COL5A2: variants seen among roughly 807,000 people sequenced by gnomAD.
COL5A2 encodes collagen type V alpha 2 chain.
A neutral mutation model predicts 208.2 loss-of-function variants in COL5A2; 23 were observed. The observed-to-expected ratio is 0.11, with a 90% CI of 0.08 to 0.16. COL5A2 has a LOEUF of 0.16. Among genes scored for constraint, COL5A2 ranks in the 10% least tolerant of loss-of-function variants. COL5A2 has a pLI of 1.00. For synonymous variants in COL5A2, 625 were observed against 628.5 expected (o/e 0.99, Z 0.08); for missense variants, 1,590 against 1,956.4 (o/e 0.81, Z 3.53).
At chr2:189,279,933 T>A in the COL5A2 span, among the ~76,000 whole-genome samples, 1 of 152,138 alleles carries the variant, frequency 6.6e-6, no homozygotes, top group Non-Finnish European at 1.5e-5. Flanking sequence ...GTGGGGCCTT[T>A]GGGAGGTCAT....
At chr2:189,074,149 A>G (rs1401042038) in intron 17 of COL5A2, among the ~76,000 whole-genome samples, 3 of 152,152 alleles carry the variant, frequency 2.0e-5, no homozygotes, top group Admixed American at 2.0e-4. Context: ...AGTCTTAGCC[A>G]TCTTCATTTC....
At chr2:189,326,517 C>T in the COL5A2 span, among the ~76,000 whole-genome samples, 1 of 151,616 alleles carries the variant, frequency 6.6e-6, no homozygotes, top group Non-Finnish European at 1.5e-5. Flanking sequence ...ATAGTGAGAC[C>T]TTGTCTCTAC....
intron 52 of COL5A2, 66 bp from the exon 53 acceptor site, chr2:189,035,221 T>C (rs1314549158): frequency 7.6e-6 from 12 of 1,577,622 alleles, no homozygotes; most frequent in South Asian, 1.1e-5. Context: ...TACACATGTA[T>C]AGATAAATAT....
At chr2:189,314,155 T>C in the COL5A2 span, among the ~76,000 whole-genome samples, 3 of 152,268 alleles carry the variant, frequency 2.0e-5, no homozygotes, top group East Asian at 3.9e-4. Context: ...TTCTCATTAC[T>C]ACATGGCACT....
At chr2:189,332,164 G>A in the COL5A2 span, among the ~76,000 whole-genome samples, 1 of 152,062 alleles carries the variant, frequency 6.6e-6, no homozygotes, top group Non-Finnish European at 1.5e-5. Context: ...AGACCTAACA[G>A]AAGAAATACA....
At chr2:189,310,182 A>G in the COL5A2 span, among the ~76,000 whole-genome samples, 7 of 152,370 alleles carry the variant, frequency 4.6e-5, no homozygotes, top group Admixed American at 1.3e-4. Flanking sequence ...TACAAGGAAC[A>G]TTAATAATAG....
At chr2:189,071,035 G>C (rs1236916673) in intron 18 of COL5A2, among the ~76,000 whole-genome samples, 1 of 152,192 alleles carries the variant, frequency 6.6e-6, no homozygotes, top group Non-Finnish European at 1.5e-5. Flanking sequence ...TGAAATGTCA[G>C]CTACAGACAT....
At chr2:189,042,503 A>C (rs1408398960) in intron 49 of COL5A2, among the ~76,000 whole-genome samples, 2 of 152,198 alleles carry the variant, frequency 1.3e-5, no homozygotes, top group African/African-American at 2.4e-5. Context: ...CTAGGTAATA[A>C]ATTTTATTGC....
the COL5A2 span, among the ~76,000 whole-genome samples, chr2:189,252,092 C>T: frequency 6.6e-6 from 1 of 152,114 alleles, no homozygotes; most frequent in African/African-American, 2.4e-5. Flanking sequence ...GAATGGTGAT[C>T]ATGAAAAAGT....
chr2:189,394,394 T>C, the COL5A2 span, among the ~76,000 whole-genome samples: 3 of 152,110 alleles, frequency 2.0e-5, no homozygotes. Flanking sequence ...AATGTGATGG[T>C]ATTTGGATAT....
the COL5A2 span, among the ~76,000 whole-genome samples, chr2:189,394,458 G>A: frequency 5.5e-3 from 844 of 152,156 alleles, 12 homozygotes; most frequent in African/African-American, 0.019. Flanking sequence ...AGGGATTAGC[G>A]CCCATCTAAG....
the COL5A2 span, among the ~76,000 whole-genome samples, chr2:189,322,351 G>A: frequency 2.0e-5 from 3 of 152,022 alleles, no homozygotes; most frequent in Non-Finnish European, 4.4e-5. Flanking sequence ...AGGACATAGA[G>A]ACACAAAAAA....
chr2:189,339,420 A>G, the COL5A2 span, among the ~76,000 whole-genome samples: 3 of 152,240 alleles, frequency 2.0e-5, no homozygotes, highest in Admixed American at 2.0e-4. Context: ...GAGCCTACAA[A>G]TAGAGATTTC....
rs1559094497 is a variant in COL5A2, at chr2:189,081,035, A to C, written c.861T>G (p.Arg287=). The C allele has an allele frequency of 1.9e-6, 3 of 1,613,386 alleles. No individual in the cohort carries two copies. Among genetic ancestry groups the C allele is most frequent in the Non-Finnish European group, 2.5e-6 (3 of 1,179,424 alleles). ...EVGFAGSPGA[R]GFPGAPGLPG... ...GAAGACCAGGAGCCCCAGGAAATCC[A>C]CGAGCTCCCTGGGAGGAAAACATAG... The change falls in exon 13 of 54, where the codon CGT becomes CGG. Residue 287 remains arginine, a synonymous_variant. Transcript: ENST00000374866.
At chr2:189,311,048 T>C in the COL5A2 span, among the ~76,000 whole-genome samples, 4 of 152,028 alleles carry the variant, frequency 2.6e-5, no homozygotes, top group Non-Finnish European at 5.9e-5. Context: ...ACCATGCAAG[T>C]GGGGTGACTC....
At chr2:189,248,706 C>T in the COL5A2 span, among the ~76,000 whole-genome samples, 1 of 152,076 alleles carries the variant, frequency 6.6e-6, no homozygotes, top group Non-Finnish European at 1.5e-5. Context: ...TGAATTTATA[C>T]TACAGCTTTC....
the COL5A2 span, among the ~76,000 whole-genome samples, chr2:189,287,650 G>T: frequency 3.3e-5 from 5 of 152,176 alleles, no homozygotes; most frequent in Non-Finnish European, 5.9e-5. Context: ...GGATTATGCA[G>T]TGACTACTTA....
chr2:189,277,052 T>C, the COL5A2 span, among the ~76,000 whole-genome samples: 10 of 152,204 alleles, frequency 6.6e-5, no homozygotes, highest in East Asian at 1.7e-3. Context: ...CTATAAAACT[T>C]TGGGGACATT....
chr2:189,124,110 G>A (rs1003708038), intron 1 of COL5A2, among the ~76,000 whole-genome samples: 1 of 152,140 alleles, frequency 6.6e-6, no homozygotes, highest in African/African-American at 2.4e-5. Context: ...CCTTAGAGAT[G>A]AGAAAAGGAA....
Sources: allele counts gnomAD v4.1 joint callset (sites outside exome capture counted in the v4.1 genomes callset), GRCh38; gene constraint gnomAD v4.1.1; transcripts MANE v1.5; gene names NCBI Gene and HGNC (gene_info 2026-07-23, HGNC 2026-07-21).